The following FANK1 variants were observed in gnomAD, a reference collection of about 807,000 sequenced individuals.
FANK1 encodes the protein fibronectin type 3 and ankyrin repeat domains protein 1.
FANK1 carries 44 observed loss-of-function variants against 45.3 expected under a neutral mutation model. The ratio of observed to expected loss-of-function variants is 0.97; its 90% CI spans 0.76 to 1.25. FANK1 has a LOEUF of 1.25. Among genes scored for constraint, FANK1 ranks in the 50% most tolerant of loss-of-function variants. FANK1 has a pLI of 0.00. For missense variants in FANK1, 391 were observed against 424.4 expected (o/e 0.92, Z 0.69); for synonymous variants, 149 against 152.5 (o/e 0.98, Z 0.17).
intron 1 of FANK1, among the ~76,000 whole-genome samples, chr10:125,979,647 TG>T (rs1375352504): frequency 6.6e-6 from 1 of 152,208 alleles, no homozygotes; most frequent in Non-Finnish European, 1.5e-5. Context: ...CTTGGCAATT[TG>T]TTTTTGCTCT....
Position 126,004,996 on chromosome 10 carries a change from G to C in FANK1, c.652G>C (p.Ala218Pro). The C allele has an allele frequency of 6.2e-7, 1 of 1,614,176 alleles. No individual in the cohort carries two copies. The highest frequency in any genetic ancestry group is 2.2e-5 in the East Asian group (1 of 44,884). The stretch of plus-strand genomic sequence containing the variant: ...AGGCTGTACAGCTCTGCACTGGGCT[G>C]CAGATGGAGGCCACTGCAGTGTGAT... ...LGGCTALHWA[A>P]DGGHCSVIEW... Residue 218 changes from alanine (A) to proline (P), a missense_variant, in exon 7 of 11, where the codon GCA becomes CCA. Ala to Pro is a conservative substitution (Grantham distance 27). Transcript: ENST00000368693.
chr10:125,930,116 A>G (rs968943787), intron 1 of FANK1, among the ~76,000 whole-genome samples: 2 of 152,002 alleles, frequency 1.3e-5, no homozygotes, highest in African/African-American at 4.8e-5. Context: ...GTGCAGTGGC[A>G]TGATCCTGGC....
intron 1 of FANK1, among the ~76,000 whole-genome samples, chr10:125,902,376 C>T (rs1198365416): frequency 1.3e-5 from 2 of 152,180 alleles, no homozygotes; most frequent in Admixed American, 6.5e-5. Flanking sequence ...ACGGAGTAAA[C>T]CCTAAACATT....
At chr10:125,972,417 C>T (rs566098011) in intron 1 of FANK1, 3 of 152,034 alleles carry the variant, frequency 2.0e-5, no homozygotes, top group Non-Finnish European at 4.4e-5. Flanking sequence ...ACAAAAACAC[C>T]AGAATTTTTA....
At chr10:125,949,401 G>C (rs1202090485) in intron 1 of FANK1, among the ~76,000 whole-genome samples, 1 of 152,082 alleles carries the variant, frequency 6.6e-6, no homozygotes, top group African/African-American at 2.4e-5. Context: ...TCCTTAAGCT[G>C]ATAAACAACT....
At chr10:126,007,298 T>A (rs116216320) in intron 7 of FANK1, 1 of 152,362 alleles carries the variant, frequency 6.6e-6, no homozygotes, top group African/African-American at 2.4e-5. Flanking sequence ...ATTTTGATTG[T>A]TTGTAAACCA....
intron 1 of FANK1, among the ~76,000 whole-genome samples, chr10:125,920,870 T>C (rs1345117796): frequency 1.3e-5 from 2 of 152,288 alleles, no homozygotes; most frequent in Admixed American, 6.5e-5. Context: ...GAGATACCTA[T>C]ATGCACTACT....
intron 1 of FANK1, among the ~76,000 whole-genome samples, chr10:125,897,196 T>G (rs1944615445): frequency 6.6e-6 from 1 of 151,272 alleles, no homozygotes; most frequent in South Asian, 2.1e-4. Flanking sequence ...TGTATTTGAT[T>G]CATTCTTAGG....
chr10:125,965,200 A>G (rs1362484128), intron 1 of FANK1, among the ~76,000 whole-genome samples: 1 of 152,148 alleles, frequency 6.6e-6, no homozygotes, highest in African/African-American at 2.4e-5. Context: ...TGAATGCAAA[A>G]TGTCATCATT....
At chr10:125,914,678 C>T (rs1946306750) in intron 1 of FANK1, among the ~76,000 whole-genome samples, 1 of 152,090 alleles carries the variant, frequency 6.6e-6, no homozygotes, top group Non-Finnish European at 1.5e-5. Context: ...TCAAATCTTC[C>T]TCATCCCCCC....
intron 1 of FANK1, among the ~76,000 whole-genome samples, chr10:125,902,689 G>C (rs1438085683): frequency 3.9e-5 from 6 of 152,120 alleles, no homozygotes; most frequent in Non-Finnish European, 8.8e-5. Flanking sequence ...AAGGAAGGAG[G>C]CAAGTAAACT....
intron 1 of FANK1, chr10:125,907,360 A>G: frequency 2.8e-6 from 1 of 363,126 alleles, no homozygotes; most frequent in Non-Finnish European, 3.8e-6. Flanking sequence ...TCAAACAACA[A>G]CAAGTATTTA....
chr10:125,918,590 A>ATATG (rs907623927), intron 1 of FANK1, among the ~76,000 whole-genome samples: 1 of 96,664 alleles, frequency 1.0e-5, no homozygotes, highest in African/African-American at 3.9e-5. Flanking sequence ...AAAAAAATAT[A>ATATG]TATATATATA....
intron 1 of FANK1, among the ~76,000 whole-genome samples, chr10:125,948,295 A>G (rs1228148491): frequency 6.6e-6 from 1 of 152,138 alleles, no homozygotes; most frequent in Non-Finnish European, 1.5e-5. Context: ...AGAGACACAA[A>G]AACCCCTTCA....
intron 1 of FANK1, among the ~76,000 whole-genome samples, chr10:125,959,413 C>CAAAA (rs767754151): frequency 0.29 from 21,683 of 74,392 alleles, 4,344 homozygotes; most frequent in East Asian, 0.41. Context: ...GACTCTGTCT[C>CAAAA]AAAAAAAAAA....
At chr10:125,984,702 C>A (rs1324291420) in intron 2 of FANK1, among the ~76,000 whole-genome samples, 1 of 152,174 alleles carries the variant, frequency 6.6e-6, no homozygotes, top group Non-Finnish European at 1.5e-5. Context: ...AAAGGGAAGT[C>A]TGGTAACTGA....
chr10:125,945,258 C>T (rs1948703848), intron 1 of FANK1, among the ~76,000 whole-genome samples: 2 of 152,084 alleles, frequency 1.3e-5, no homozygotes, highest in African/African-American at 4.8e-5. Context: ...CCAAGATGGC[C>T]GAATAGGAAC....
chr10:125,986,583 C>T (rs1432116826), intron 2 of FANK1, among the ~76,000 whole-genome samples: 2 of 152,162 alleles, frequency 1.3e-5, no homozygotes, highest in Non-Finnish European at 2.9e-5. Flanking sequence ...GTACCTAGAC[C>T]ATGACTTTCC....
At chr10:125,927,345 C>A (rs949558718) in intron 1 of FANK1, among the ~76,000 whole-genome samples, 1 of 152,142 alleles carries the variant, frequency 6.6e-6, no homozygotes, top group African/African-American at 2.4e-5. Context: ...TCCTATTATT[C>A]GCTTTATAAA....
Sources: gnomAD v4.1 joint callset for allele counts (sites outside exome capture counted in the v4.1 genomes callset) on GRCh38, gnomAD v4.1.1 for gene constraint, MANE v1.5 for transcripts, NCBI Gene and HGNC (gene_info 2026-07-23, HGNC 2026-07-21) for gene names.